CDC42SE2: variants seen among roughly 807,000 people sequenced by gnomAD.
CDC42SE2 encodes CDC42 small effector 2.
CDC42SE2 carries 3 observed loss-of-function variants against 11.5 expected under a neutral mutation model. The observed-to-expected ratio is 0.26, with a 90% CI of 0.12 to 0.67. The LOEUF is 0.67. CDC42SE2 is among the 30% of genes least tolerant of loss of function. The pLI is 0.80. For missense variants in CDC42SE2, 82 were observed against 106.8 expected, an observed-to-expected ratio of 0.77 and a Z score of 1.02; for synonymous variants, 33 against 34.8, an observed-to-expected ratio of 0.95 and a Z score of 0.18.
At chr5:131,231,687 G>A in the CDC42SE2 span, among the ~76,000 whole-genome samples, 2,591 of 152,224 alleles carry the variant, frequency 0.017, 78 homozygotes, top group African/African-American at 0.059. Context: ...ATTACTACCA[G>A]TCTTACCTTT....
chr5:131,277,105 A>C (rs146468258), intron 1 of CDC42SE2, among the ~76,000 whole-genome samples: 8 of 152,208 alleles, frequency 5.3e-5, no homozygotes. Context: ...ATGACACACT[A>C]GAAGTGTTTC....
intron 2 of CDC42SE2, among the ~76,000 whole-genome samples, chr5:131,340,420 A>G (rs1758684459): frequency 6.6e-6 from 1 of 152,078 alleles, no homozygotes; most frequent in Non-Finnish European, 1.5e-5. Flanking sequence ...GTTTGGTAAT[A>G]TTTATGGTTT....
intron 3 of CDC42SE2, among the ~76,000 whole-genome samples, chr5:131,376,560 G>A (rs1275783990): frequency 6.6e-6 from 1 of 152,104 alleles, no homozygotes; most frequent in Non-Finnish European, 1.5e-5. Flanking sequence ...GGTAAACTGA[G>A]TCACAGATTA....
intron 1 of CDC42SE2, among the ~76,000 whole-genome samples, chr5:131,265,550 A>G (rs895802930): frequency 2.0e-5 from 3 of 152,180 alleles, no homozygotes; most frequent in African/African-American, 7.2e-5. Context: ...CAAAATCCGC[A>G]ATTATCCTTT....
At chr5:131,348,131 G>A (rs926493644) in intron 2 of CDC42SE2, among the ~76,000 whole-genome samples, 1 of 152,162 alleles carries the variant, frequency 6.6e-6, no homozygotes, top group African/African-American at 2.4e-5. Flanking sequence ...CATAGTGTTG[G>A]AAGTTCTGGC....
intron 1 of CDC42SE2, among the ~76,000 whole-genome samples, chr5:131,290,515 C>T (rs1399311614): frequency 2.3e-4 from 28 of 124,386 alleles, no homozygotes; most frequent in African/African-American, 8.6e-4. Flanking sequence ...CAGGGTATGG[C>T]TCTGTCGCCC....
At chr5:131,242,824 G>A (rs1756551601), upstream of CDC42SE2, among the ~76,000 whole-genome samples, 2 of 152,108 alleles carry the variant, frequency 1.3e-5, no homozygotes, top group Admixed American at 1.3e-4. Flanking sequence ...GTAAGTAATG[G>A]TGCCTGAACT....
intron 2 of CDC42SE2, among the ~76,000 whole-genome samples, chr5:131,332,922 T>G (rs1054846248): frequency 7.2e-5 from 11 of 152,224 alleles, no homozygotes; most frequent in South Asian, 6.2e-4. Context: ...GTAGGTTGCC[T>G]GTTCACTCTG....
the CDC42SE2 span, among the ~76,000 whole-genome samples, chr5:131,218,580 C>G: frequency 6.6e-6 from 1 of 152,002 alleles, no homozygotes; most frequent in East Asian, 1.9e-4. Context: ...ATGTTCACAA[C>G]GTTACTATTT....
intron 2 of CDC42SE2, among the ~76,000 whole-genome samples, chr5:131,349,320 T>G (rs1758940355): frequency 8.7e-6 from 1 of 115,568 alleles, no homozygotes; most frequent in Non-Finnish European, 1.7e-5. Flanking sequence ...CAGGGGAACA[T>G]CACACACTGG....
intron 3 of CDC42SE2, among the ~76,000 whole-genome samples, chr5:131,379,463 G>A (rs1750256437): frequency 6.6e-6 from 1 of 152,190 alleles, no homozygotes; most frequent in South Asian, 2.1e-4. Flanking sequence ...AAATGTGAGG[G>A]AGGTAGATAT....
chr5:131,361,327 T>C (rs1173683200), intron 3 of CDC42SE2, among the ~76,000 whole-genome samples: 1 of 152,172 alleles, frequency 6.6e-6, no homozygotes, highest in Non-Finnish European at 1.5e-5. Context: ...AAATACATTT[T>C]CTGCTACACA....
At chr5:131,327,609 C>G (rs935058594) in intron 2 of CDC42SE2, among the ~76,000 whole-genome samples, 6 of 152,140 alleles carry the variant, frequency 3.9e-5, no homozygotes, top group African/African-American at 1.2e-4. Context: ...TTTTAAAATA[C>G]AGGTCAAGAG....
chr5:131,381,514 G>T (rs868725385), intron 3 of CDC42SE2, among the ~76,000 whole-genome samples: 34 of 152,158 alleles, frequency 2.2e-4, no homozygotes, highest in African/African-American at 7.5e-4. Flanking sequence ...GTAGAGACGG[G>T]GTTTCACTGT....
At chr5:131,244,614 G>A (rs59191047), upstream of CDC42SE2, among the ~76,000 whole-genome samples, 7 of 152,278 alleles carry the variant, frequency 4.6e-5, no homozygotes, top group Middle Eastern at 3.4e-3. Context: ...GGGAGGTTGA[G>A]GCAAGAGAAT....
chr5:131,368,202 G>A (rs1013374241), intron 3 of CDC42SE2, among the ~76,000 whole-genome samples: 2 of 146,366 alleles, frequency 1.4e-5, no homozygotes, highest in Non-Finnish European at 3.0e-5. Context: ...GCAATGAGCC[G>A]AGATTGCGCC....
intron 2 of CDC42SE2, among the ~76,000 whole-genome samples, chr5:131,318,792 A>G (rs1004256781): frequency 1.3e-5 from 2 of 152,218 alleles, no homozygotes; most frequent in African/African-American, 4.8e-5. Flanking sequence ...TCAACCCTCA[A>G]TTATACATCT....
chr5:131,380,824 G>A (rs1750299213), intron 3 of CDC42SE2, among the ~76,000 whole-genome samples: 1 of 152,090 alleles, frequency 6.6e-6, no homozygotes, highest in Admixed American at 6.6e-5. Flanking sequence ...TGTCCAGAAG[G>A]CCAGACTTTT....
intron 3 of CDC42SE2, among the ~76,000 whole-genome samples, chr5:131,366,916 T>C (rs1458038179): frequency 6.6e-6 from 1 of 151,940 alleles, no homozygotes; most frequent in Non-Finnish European, 1.5e-5. Context: ...TAGGCCCAGC[T>C]ACTCGGGAGG....
Sources: gnomAD v4.1 joint callset for allele counts (sites outside exome capture counted in the v4.1 genomes callset) on GRCh38, gnomAD v4.1.1 for gene constraint, MANE v1.5 for transcripts, NCBI Gene and HGNC (gene_info 2026-07-23, HGNC 2026-07-21) for gene names.